Variants in OTUD7A observed in about 807,000 individuals in gnomAD.
The protein encoded by OTUD7A is OTU deubiquitinase 7A, also known as OTU domain-containing protein 7A.
A neutral mutation model predicts 65.7 loss-of-function variants in OTUD7A; 12 were observed. The ratio of observed to expected loss-of-function variants is 0.18; its 90% CI spans 0.12 to 0.30. OTUD7A has a LOEUF of 0.30. Ranked by LOEUF, OTUD7A falls within the 10% of genes least tolerant of loss-of-function variation. The pLI is 1.00. For missense variants in OTUD7A, 1,148 were observed against 1,304.8 expected (o/e 0.88, Z 1.85); for synonymous variants, 641 against 586.3 (o/e 1.09, Z -1.35).
chr15:31,835,853 T>C (rs530373942), intron 1 of OTUD7A, among the ~76,000 whole-genome samples: 56 of 152,240 alleles, frequency 3.7e-4, no homozygotes, highest in African/African-American at 1.3e-3. Flanking sequence ...GAGTATCCCT[T>C]ATCCAAAATG....
intron 1 of OTUD7A, among the ~76,000 whole-genome samples, chr15:31,791,283 C>A (rs1378075713): frequency 6.6e-6 from 1 of 152,190 alleles, no homozygotes; most frequent in East Asian, 1.9e-4. Flanking sequence ...CCTCAGCCTC[C>A]CAAAGTGCTG....
rs975369573 is a variant in OTUD7A at position 31,509,181 on chromosome 15, CTTTTA to C, written c.894-5368_894-5364del. 1.6e-4 allele frequency among the ~76,000 whole-genome samples: 24 copies of C among 151,766 alleles called. No individual in the cohort carries two copies. In the South Asian group the frequency reaches 3.1e-3, roughly 20 times the overall value. On this transcript the variant is annotated intron_variant, in intron 8 of 12. Coordinates refer to ENST00000307050, the MANE Select transcript of OTUD7A (RefSeq NM_001382637.1). ...AGTGCTTTAAGAAAAATTTATTGTG[CTTTTA>C]TTTTAATGTTTAGTTTACAGAAAAA...
At position 31,718,122 on chromosome 15, in the gene OTUD7A, C is replaced by A. The variant is rs113124961; in HGVS notation, c.-99-61045G>T. 4.1e-3 allele frequency among the ~76,000 whole-genome samples: 620 copies of A among 152,282 alleles called. 2 individuals are homozygous for A. Among genetic ancestry groups the A allele is most frequent in the African/African-American group, 0.014 (594 of 41,546 alleles). On this transcript the variant is annotated intron_variant, in intron 1 of 12. Transcript: ENST00000307050. ...TGTCCCCTGTGAACCACCTCAGGGA[C>A]AAATCATGTCTACTTGGTCCATGTT... is the stretch of plus-strand genomic sequence containing the variant.
intron 1 of OTUD7A, 28 bp downstream of exon 1, chr15:31,870,479 G>C (rs1221921023): frequency 6.8e-6 from 1 of 147,650 alleles, no homozygotes. Context: ...GCCGCCCGCC[G>C]GCAGCACCGC....
intron 5 of OTUD7A, among the ~76,000 whole-genome samples, chr15:31,537,536 G>A (rs77374411): frequency 0.036 from 5,431 of 152,264 alleles, 327 homozygotes; most frequent in African/African-American, 0.13. Flanking sequence ...CGTTGTGGAC[G>A]TCATTGGAAA....
intron 4 of OTUD7A, among the ~76,000 whole-genome samples, chr15:31,566,177 T>C (rs567488556): frequency 8.3e-4 from 118 of 141,734 alleles, no homozygotes; most frequent in Middle Eastern, 3.6e-3. Flanking sequence ...GGCGACAGAG[T>C]GAGACTCCAT....
intron 1 of OTUD7A, among the ~76,000 whole-genome samples, chr15:31,691,288 T>C (rs1258416993): frequency 6.6e-6 from 1 of 152,110 alleles, no homozygotes; most frequent in Non-Finnish European, 1.5e-5. Flanking sequence ...GAAGTGATCC[T>C]GAGCAAAAAG....
At chr15:31,606,936 T>C (rs1490161675) in intron 3 of OTUD7A, among the ~76,000 whole-genome samples, 1 of 152,244 alleles carries the variant, frequency 6.6e-6, no homozygotes, top group East Asian at 1.9e-4. Flanking sequence ...TTATCAGTGA[T>C]AGCACAGTAA....
intron 6 of OTUD7A, 138 bp downstream of exon 6, chr15:31,530,569 G>T: frequency 2.8e-6 from 2 of 723,600 alleles, no homozygotes; most frequent in Non-Finnish European, 2.2e-6. Context: ...TGTCTCCTGG[G>T]GACTTTCTCA....
rs572009984 is a variant in OTUD7A, at chr15:31,827,547, T to C, written c.-100+42960A>G. Among the ~76,000 whole-genome samples the C allele has an allele frequency of 3.3e-5, 5 of 152,376 alleles. No individual in the cohort carries two copies. The East Asian group carries it at 7.7e-4, about 23-fold the overall frequency. The stretch of plus-strand genomic sequence containing the variant: ...CCAAAATGCAATTGTTCCTTTTGAA[T>C]GACAGAGCCAAGTCTGGCCTGTATA... On this transcript the variant is annotated intron_variant, in intron 1 of 12. Transcript: ENST00000307050.
intron 2 of OTUD7A, among the ~76,000 whole-genome samples, chr15:31,655,905 T>C (rs902091065): frequency 2.0e-5 from 3 of 152,198 alleles, no homozygotes; most frequent in African/African-American, 7.2e-5. Flanking sequence ...TTCCACAATG[T>C]GATGAATGTT....
chr15:31,750,489 G>A lies in OTUD7A; in HGVS notation c.-99-93412C>T, dbSNP rs138254346. On this transcript the variant is annotated intron_variant, in intron 1 of 12. Transcript: ENST00000307050. ...TATCAAATCACTAATGTCATTTTTT[G>A]CAGAATTAGAAAAAAAAATCCAAAA... 2.0e-3 allele frequency among the ~76,000 whole-genome samples: 295 copies of A among 146,424 alleles called. 1 individual carries two copies. Among genetic ancestry groups the A allele is most frequent in the African/African-American group, 7.1e-3 (283 of 39,920 alleles).
intron 1 of OTUD7A, among the ~76,000 whole-genome samples, chr15:31,745,625 G>A (rs1894455408): frequency 6.6e-6 from 1 of 152,022 alleles, no homozygotes; most frequent in African/African-American, 2.4e-5. Context: ...ACAATTGGGG[G>A]TAGCTACAGA....
intron 8 of OTUD7A, among the ~76,000 whole-genome samples, chr15:31,510,562 A>C (rs1259981277): frequency 1.3e-5 from 1 of 78,084 alleles, no homozygotes; most frequent in Non-Finnish European, 2.4e-5. Context: ...TGTAACATAC[A>C]TATGTATATC....
intron 1 of OTUD7A, among the ~76,000 whole-genome samples, chr15:31,774,613 G>A (rs1355024859): frequency 6.6e-6 from 1 of 152,210 alleles, no homozygotes; most frequent in Non-Finnish European, 1.5e-5. Context: ...TGCATCTCCA[G>A]AGGGGGATCT....
chr15:31,655,921 C>T (rs1891978215), intron 2 of OTUD7A, among the ~76,000 whole-genome samples: 2 of 152,172 alleles, frequency 1.3e-5, no homozygotes, highest in South Asian at 4.1e-4. Flanking sequence ...ATGTTACCCA[C>T]TCTATTCCAA....
chr15:31,802,101 ATATGTG>A (rs55851940), intron 1 of OTUD7A, among the ~76,000 whole-genome samples: 50,153 of 140,316 alleles, frequency 0.36, 9,214 homozygotes, highest in Middle Eastern at 0.48. Context: ...GTGTGTGTAT[ATATGTG>A]TGTGTGTGTG....
At position 31,477,564 on chromosome 15, in the gene OTUD7A, A is replaced by C. The variant is rs1217605387; in HGVS notation, c.*5730T>G. On this transcript the variant is annotated 3_prime_UTR_variant, in exon 13 of 13. Transcript: ENST00000307050. ...ATCTTGTACCCATAGGAGCCAGGTC[A>C]CTGGGTCAGCTAAAGTTCTCACAAT... 6.6e-6 allele frequency: 1 copy of C among 152,230 alleles called. No individual in the cohort carries two copies. The highest frequency in any genetic ancestry group is 2.4e-5 in the African/African-American group (1 of 41,458). 9.4% of individuals were successfully genotyped at this position (152,230 alleles called of 1,614,324 possible). A position where few individuals can be genotyped will look rare whatever the true frequency, so the allele number is the denominator to read the frequency against.
chr15:31,512,330 T>A (rs138271961), intron 8 of OTUD7A, among the ~76,000 whole-genome samples: 1 of 152,200 alleles, frequency 6.6e-6, no homozygotes, highest in African/African-American at 2.4e-5. Flanking sequence ...CGCTCCCTTA[T>A]GAGGAGGGAC....
Sources: allele counts gnomAD v4.1 joint callset (sites outside exome capture counted in the v4.1 genomes callset), GRCh38; gene constraint gnomAD v4.1.1; transcripts MANE v1.5; gene names NCBI Gene and HGNC (gene_info 2026-07-23, HGNC 2026-07-21).